KDM4C: variants seen among roughly 807,000 people sequenced by gnomAD.
KDM4C encodes lysine demethylase 4C.
Under a neutral mutation model 129.3 loss-of-function variants are expected in KDM4C, and 81 were observed. The ratio of observed to expected loss-of-function variants is 0.63; its 90% confidence interval spans 0.52 to 0.75. The LOEUF is 0.75. Among genes scored for constraint, KDM4C ranks in the 30% least tolerant of loss-of-function variants. KDM4C has a pLI of 0.00. For missense variants in KDM4C, 1,457 were observed against 1,304.0 expected (o/e 1.12, Z -1.81); for synonymous variants, 573 against 456.1 (o/e 1.26, Z -3.26).
At chr9:7,099,823 GTCCAGTGCTC>G (rs1836868568) in intron 17 of KDM4C, among the ~76,000 whole-genome samples, 1 of 152,200 alleles carries the variant, frequency 6.6e-6, no homozygotes, top group Admixed American at 6.5e-5. Flanking sequence ...GCTCCCTGGA[GTCCAGTGCTC>G]TCTAACCTTC....
chr9:7,102,389 A>G (rs2025324), intron 17 of KDM4C, among the ~76,000 whole-genome samples: 74,908 of 146,686 alleles, frequency 0.51, 19,725 homozygotes, highest in East Asian at 0.75. Flanking sequence ...ATTAAGTACG[A>G]TGGTGGTGAC....
intron 8 of KDM4C, among the ~76,000 whole-genome samples, chr9:6,959,135 G>A (rs1563886745): frequency 6.6e-6 from 1 of 152,142 alleles, no homozygotes; most frequent in Non-Finnish European, 1.5e-5. Context: ...GACTTAGCTT[G>A]ATGTAGATTT....
chr9:6,826,618 C>T (rs1254370819), intron 4 of KDM4C, among the ~76,000 whole-genome samples: 1 of 152,134 alleles, frequency 6.6e-6, no homozygotes, highest in Non-Finnish European at 1.5e-5. Flanking sequence ...GTGATCCCAG[C>T]ACTTTGGGAG....
chr9:6,899,575 C>T (rs1480252595), intron 8 of KDM4C, among the ~76,000 whole-genome samples: 4 of 132,350 alleles, frequency 3.0e-5, no homozygotes, highest in Non-Finnish European at 6.7e-5. Flanking sequence ...GTGTGTTTAA[C>T]TTGCTAGCTC....
intron 5 of KDM4C, among the ~76,000 whole-genome samples, chr9:6,869,202 C>G (rs1842496151): frequency 6.6e-6 from 1 of 152,166 alleles, no homozygotes; most frequent in Admixed American, 6.5e-5. Flanking sequence ...ACTGCCTGCA[C>G]ATATGGTTGC....
chr9:6,765,320 T>C (rs140546025), intron 1 of KDM4C, among the ~76,000 whole-genome samples: 1,728 of 152,250 alleles, frequency 0.011, 23 homozygotes, highest in Non-Finnish European at 0.017. Flanking sequence ...CTCCTCTCAT[T>C]TTCCCCCTTT....
chr9:7,040,381 G>GTGTGTT, intron 15 of KDM4C, among the ~76,000 whole-genome samples: 1 of 140,684 alleles, frequency 7.1e-6, no homozygotes, highest in South Asian at 2.3e-4. Flanking sequence ...GTGTGTGTGT[G>GTGTGTT]TGTGTGTGTG....
chr9:7,051,012 T>C (rs1830084634), intron 17 of KDM4C, among the ~76,000 whole-genome samples: 1 of 152,174 alleles, frequency 6.6e-6, no homozygotes. Flanking sequence ...ATGTCTTAAC[T>C]GAATGTCATT....
chr9:6,770,528 C>CA (rs1046013723), intron 1 of KDM4C, among the ~76,000 whole-genome samples: 3 of 150,972 alleles, frequency 2.0e-5, no homozygotes, highest in Admixed American at 2.0e-4. Flanking sequence ...TTCAGTGTCA[C>CA]AGATTGCATA....
intron 1 of KDM4C, among the ~76,000 whole-genome samples, chr9:6,742,299 A>C (rs1472215936): frequency 2.6e-5 from 4 of 152,118 alleles, no homozygotes; most frequent in African/African-American, 9.7e-5. Flanking sequence ...AGTGGGCAAT[A>C]CATTATCTTT....
At chr9:6,742,493 C>T (rs1208912976) in intron 1 of KDM4C, among the ~76,000 whole-genome samples, 3 of 151,398 alleles carry the variant, frequency 2.0e-5, no homozygotes. Flanking sequence ...TTCTGCTGGC[C>T]TTCGTGAGTA....
chr9:7,144,979 C>G (rs1232510604), intron 19 of KDM4C, among the ~76,000 whole-genome samples: 1 of 152,222 alleles, frequency 6.6e-6, no homozygotes, highest in South Asian at 2.1e-4. Flanking sequence ...GACCCACACA[C>G]CTGTTGCCTT....
rs536357461 is a variant in KDM4C at position 6,758,717 on chromosome 9, T to C, written c.-18+514T>C. 1.4e-3 allele frequency among the ~76,000 whole-genome samples: 208 copies of C among 152,340 alleles called. No homozygotes were observed. Among genetic ancestry groups the C allele is most frequent in the Non-Finnish European group, 2.4e-3 (161 of 68,024 alleles). ...GGGTCGTCTTCAGCCCTCGCGGCTG[T>C]CCTTTTGGTGTTTCTTTCCCCCGGC... On this transcript the variant is annotated intron_variant, in intron 1 of 21. Transcript: ENST00000381309. This position sits in a 1 kb window ranked among gnomAD's most constrained non-coding sequence, Gnocchi z 4.6.
chr9:6,761,199 G>A (rs1279433356), intron 1 of KDM4C, among the ~76,000 whole-genome samples: 2 of 151,836 alleles, frequency 1.3e-5, no homozygotes, highest in Non-Finnish European at 2.9e-5. Flanking sequence ...TGTAGAGACA[G>A]GGTTTCACCA....
rs1383594968 is a variant in KDM4C, at chr9:6,758,042, C to G, written c.-179C>G. On this transcript the variant is annotated 5_prime_UTR_variant, in exon 1 of 22. Coordinates refer to ENST00000381309, the MANE Select transcript of KDM4C (RefSeq NM_015061.6). This position sits in a 1 kb window ranked among gnomAD's most constrained non-coding sequence, Gnocchi z 4.6. The stretch of plus-strand genomic sequence containing the variant: ...CCCTCGACGGGAGGGTGAGGCGCGG[C>G]GCAGTGATCGGGCGGCCGGGGTCCT... 2.0e-6 allele frequency: 2 copies of G among 985,334 alleles called. No individual in the cohort carries two copies. The highest frequency in any genetic ancestry group is 1.7e-5 in the African/African-American group (1 of 57,240). 61.0% of individuals were successfully genotyped at this position (985,334 alleles called of 1,614,324 possible). A position where few individuals can be genotyped will look rare whatever the true frequency, so the allele number is the denominator to read the frequency against.
At chr9:7,056,411 G>C (rs960830982) in intron 17 of KDM4C, among the ~76,000 whole-genome samples, 3 of 151,628 alleles carry the variant, frequency 2.0e-5, no homozygotes, top group Non-Finnish European at 4.4e-5. Flanking sequence ...ATTTGCTACA[G>C]GGACTAGATC....
chr9:7,028,242 G>A (rs111329588), intron 15 of KDM4C, among the ~76,000 whole-genome samples: 2 of 151,986 alleles, frequency 1.3e-5, no homozygotes, highest in Non-Finnish European at 2.9e-5. Context: ...CAAGGCTCAC[G>A]GGGTACCATC....
At position 6,842,768 on chromosome 9, in the gene KDM4C, G is replaced by T. The variant is rs367649407; in HGVS notation, c.436-6739G>T. Among the ~76,000 whole-genome samples the T allele has an allele frequency of 1.7e-3, 255 of 149,666 alleles. 10 individuals carry two copies. The South Asian group carries it at 0.054, about 32-fold the overall frequency. ...TCTCCTTTAGACAGGATAGTAGGTT[G>T]TCTCCAAATACACATCACCCCCAAT... On this transcript the variant is annotated intron_variant, in intron 4 of 21. Coordinates refer to ENST00000381309, the MANE Select transcript of KDM4C (RefSeq NM_015061.6).
intron 17 of KDM4C, among the ~76,000 whole-genome samples, chr9:7,050,817 G>T (rs763516632): frequency 6.6e-6 from 1 of 152,126 alleles, no homozygotes; most frequent in Non-Finnish European, 1.5e-5. Flanking sequence ...TGAGAGAACA[G>T]CAGGGAAGGG....
Sources: allele counts gnomAD v4.1 joint callset (sites outside exome capture counted in the v4.1 genomes callset), GRCh38; gene constraint gnomAD v4.1.1; non-coding constraint Gnocchi (gnomAD v3.1); transcripts MANE v1.5; gene names NCBI Gene and HGNC (gene_info 2026-07-23, HGNC 2026-07-21).